Variants in CFAP299 observed in about 807,000 individuals in gnomAD.
CFAP299 encodes the protein cilia- and flagella-associated protein 299.
Under a neutral mutation model 27.0 loss-of-function variants are expected in CFAP299, and 21 were observed. That is an observed-to-expected ratio of 0.78 (90% CI 0.55 to 1.12). The LOEUF is 1.12. Among genes scored for constraint, CFAP299 ranks in the 50% most tolerant of loss-of-function variants. The probability of loss-of-function intolerance (pLI) is 0.00; values close to 1 mark genes in which losing one functional copy is unlikely to be tolerated. For missense variants in CFAP299, 310 were observed against 276.6 expected (o/e 1.12, Z -0.86); for synonymous variants, 104 against 98.1 (o/e 1.06, Z -0.36).
In CFAP299 at chr4:80,800,844, G is replaced by T. The variant is rs554954915; in HGVS notation, c.334-69149G>T. Among the ~76,000 whole-genome samples the T allele has an allele frequency of 2.1e-5, 3 of 144,702 alleles. No individual in the cohort carries two copies. The East Asian group carries it at 6.0e-4, about 29-fold the overall frequency. The allele number at this position is 144,702 out of a possible 152,430, so 94.9% of individuals were successfully genotyped here. The stretch of plus-strand genomic sequence containing the variant: ...CACATGATCACAAGGTCCCACAATA[G>T]GCCATCTGCAAGCTGAGAGCTGAGG... On this transcript the variant is annotated intron_variant, in intron 3 of 5. Coordinates refer to ENST00000358105, the MANE Select transcript of CFAP299 (RefSeq NM_152770.3).
chr4:80,389,987 A>G (rs574165280), intron 2 of CFAP299, among the ~76,000 whole-genome samples: 3 of 152,256 alleles, frequency 2.0e-5, no homozygotes, highest in East Asian at 3.9e-4. Context: ...AATTATTAAC[A>G]TAGATTTATT....
intron 3 of CFAP299, among the ~76,000 whole-genome samples, chr4:80,628,426 G>T (rs1739028258): frequency 6.6e-6 from 1 of 152,068 alleles, no homozygotes; most frequent in South Asian, 2.1e-4. Context: ...TCTGGGCAAT[G>T]ACTTTTTTGG....
intron 3 of CFAP299, among the ~76,000 whole-genome samples, chr4:80,798,025 T>C (rs1217344591): frequency 6.6e-6 from 1 of 152,154 alleles, no homozygotes; most frequent in Non-Finnish European, 1.5e-5. Flanking sequence ...GATTCAACTC[T>C]ACATTCCTTC....
At position 80,838,992 on chromosome 4, in the gene CFAP299, A is replaced by T. The variant is rs572783146; in HGVS notation, c.334-31001A>T. On this transcript the variant is annotated intron_variant, in intron 3 of 5. Transcript: ENST00000358105. The stretch of plus-strand genomic sequence containing the variant: ...TGATCGTCCTAGACAACAGTGATAC[A>T]TTTCTTCTCCCAAAGACACACTGCT... Among the ~76,000 whole-genome samples the T allele has an allele frequency of 3.3e-5, 5 of 152,226 alleles. No homozygotes were observed. The East Asian group carries it at 9.6e-4, about 29-fold the overall frequency.
chr4:80,874,771 T>G (rs1490630199), intron 4 of CFAP299, among the ~76,000 whole-genome samples: 1 of 152,158 alleles, frequency 6.6e-6, no homozygotes, highest in Non-Finnish European at 1.5e-5. Flanking sequence ...CAATATTAAA[T>G]TTTGAGAAGC....
intron 3 of CFAP299, among the ~76,000 whole-genome samples, chr4:80,716,559 G>A (rs1444898659): frequency 2.0e-5 from 3 of 151,940 alleles, no homozygotes; most frequent in Non-Finnish European, 4.4e-5. Flanking sequence ...CATTACATTT[G>A]TATGCATCGT....
intron 4 of CFAP299, among the ~76,000 whole-genome samples, chr4:80,889,011 C>CAAAAAAAA (rs35328435): frequency 1.1e-3 from 56 of 52,622 alleles, no homozygotes; most frequent in African/African-American, 2.3e-3. Context: ...AGTGCCTAAG[C>CAAAAAAAA]AAAAAAAAAA....
chr4:80,892,745 C>A (rs1160655191), intron 4 of CFAP299, among the ~76,000 whole-genome samples: 2 of 152,008 alleles, frequency 1.3e-5, no homozygotes, highest in Non-Finnish European at 2.9e-5. Context: ...ATAATAAAGG[C>A]ATGATATGAC....
rs138607715 is a variant in CFAP299, at chr4:80,793,326, C to A, written c.334-76667C>A. Among the ~76,000 whole-genome samples, 355 of 152,130 alleles carry A rather than the reference C, an allele frequency of 2.3e-3. 2 individuals are homozygous for A. The highest frequency in any genetic ancestry group is 8.3e-3 in the African/African-American group (344 of 41,520). On this transcript the variant is annotated intron_variant, in intron 3 of 5. Coordinates refer to ENST00000358105, the MANE Select transcript of CFAP299 (RefSeq NM_152770.3). ...GCCAGTCTAGCCTTTTCACGTTTTT[C>A]TGCCTGCTTTATATCCTGGCTATGC...
At chr4:80,789,334 A>ATTTTCCC (rs1403761382) in intron 3 of CFAP299, among the ~76,000 whole-genome samples, 2 of 152,020 alleles carry the variant, frequency 1.3e-5, no homozygotes, top group African/African-American at 4.8e-5. Context: ...ACCAAGAAGA[A>ATTTTCCC]ACTGACTTAT....
At chr4:80,681,272 G>A (rs1341707390) in intron 3 of CFAP299, among the ~76,000 whole-genome samples, 1 of 152,106 alleles carries the variant, frequency 6.6e-6, no homozygotes, top group African/African-American at 2.4e-5. Flanking sequence ...ATCTCATTGT[G>A]AATTCTGCAT....
chr4:80,914,679 T>G (rs1279140174), intron 4 of CFAP299, among the ~76,000 whole-genome samples: 1 of 152,100 alleles, frequency 6.6e-6, no homozygotes, highest in Middle Eastern at 3.2e-3. Context: ...ACCCTGCAGG[T>G]TATTTATTTC....
chr4:80,949,453 G>A (rs1737650719), intron 5 of CFAP299, among the ~76,000 whole-genome samples: 2 of 151,606 alleles, frequency 1.3e-5, no homozygotes, highest in Admixed American at 6.6e-5. Context: ...AATGGAGGAA[G>A]TAAACTTTTA....
chr4:80,851,612 T>C (rs1246824570), intron 3 of CFAP299, among the ~76,000 whole-genome samples: 2 of 151,950 alleles, frequency 1.3e-5, no homozygotes, highest in Non-Finnish European at 2.9e-5. Context: ...ATCCATAAAG[T>C]AGAAGAAAAA....
intron 2 of CFAP299, among the ~76,000 whole-genome samples, chr4:80,377,425 G>C (rs1031742788): frequency 3.3e-5 from 5 of 151,964 alleles, no homozygotes; most frequent in African/African-American, 1.2e-4. Context: ...TTCTTTGACT[G>C]TATATGTACC....
At chr4:80,361,574 A>G (rs1723550418) in intron 1 of CFAP299, among the ~76,000 whole-genome samples, 1 of 152,206 alleles carries the variant, frequency 6.6e-6, no homozygotes, top group Non-Finnish European at 1.5e-5. Flanking sequence ...TCTATTAAAC[A>G]AGGGAGTGTC....
intron 2 of CFAP299, among the ~76,000 whole-genome samples, chr4:80,363,615 C>T (rs983422612): frequency 2.6e-5 from 4 of 152,080 alleles, no homozygotes; most frequent in Non-Finnish European, 5.9e-5. Context: ...ACATTATAAA[C>T]AATAACATTT....
At chr4:80,742,625 G>T (rs1451469652) in intron 3 of CFAP299, among the ~76,000 whole-genome samples, 1 of 152,126 alleles carries the variant, frequency 6.6e-6, no homozygotes, top group Non-Finnish European at 1.5e-5. Context: ...GTCAGATAAT[G>T]GATGGGCTAT....
chr4:80,649,972 TTTA>T (rs1265633250), intron 3 of CFAP299, among the ~76,000 whole-genome samples: 1 of 152,070 alleles, frequency 6.6e-6, no homozygotes, highest in Non-Finnish European at 1.5e-5. Flanking sequence ...GGAGTACCAT[TTTA>T]TTTTATTTTT....
Sources: allele counts gnomAD v4.1 joint callset (sites outside exome capture counted in the v4.1 genomes callset), GRCh38; gene constraint gnomAD v4.1.1; transcripts MANE v1.5; gene names NCBI Gene and HGNC (gene_info 2026-07-23, HGNC 2026-07-21).